Variants in CSMD1 observed in about 807,000 individuals in gnomAD.
CSMD1 encodes CUB and Sushi multiple domains 1, also known as CUB and sushi domain-containing protein 1.
Under a neutral mutation model 417.5 loss-of-function variants are expected in CSMD1, and 213 were observed. The ratio of observed to expected loss-of-function variants is 0.51; its 90% CI spans 0.46 to 0.57. CSMD1 has a LOEUF of 0.57. Among genes scored for constraint, CSMD1 ranks in the 20% least tolerant of loss-of-function variants. The pLI, the probability that CSMD1 is intolerant of heterozygous loss-of-function variation, is 0.00. For missense variants in CSMD1, 6,923 were observed against 4,529.7 expected, an observed-to-expected ratio of 1.53 and a Z score of -15.17; for synonymous variants, 2,862 against 1,736.8, an observed-to-expected ratio of 1.65 and a Z score of -16.11.
intron 34 of CSMD1, 54 bp from the exon 35 acceptor site, chr8:3,189,065 T>A (rs1166025749): frequency 3.9e-6 from 6 of 1,525,954 alleles, no homozygotes; most frequent in Non-Finnish European, 5.3e-6. Context: ...CAGTGTTGAT[T>A]TGGCATGCAG....
intron 5 of CSMD1, among the ~76,000 whole-genome samples, chr8:3,757,824 G>C (rs1342320133): frequency 1.3e-5 from 2 of 151,064 alleles, no homozygotes; most frequent in African/African-American, 4.9e-5. Flanking sequence ...ACTCCAGCCT[G>C]GGTGAAAAGA....
At chr8:4,806,350 G>A (rs1354811516) in intron 1 of CSMD1, among the ~76,000 whole-genome samples, 3 of 152,140 alleles carry the variant, frequency 2.0e-5, no homozygotes, top group Non-Finnish European at 4.4e-5. Flanking sequence ...TCAGTTTTCA[G>A]CGTTGCAGTA....
intron 1 of CSMD1, among the ~76,000 whole-genome samples, chr8:4,684,250 A>G (rs1475867729): frequency 6.6e-6 from 1 of 152,230 alleles, no homozygotes; most frequent in African/African-American, 2.4e-5. Context: ...ACAACTTTCT[A>G]CAATAAGTGT....
intron 6 of CSMD1, among the ~76,000 whole-genome samples, chr8:3,751,693 G>T (rs1797350709): frequency 6.6e-6 from 1 of 151,418 alleles, no homozygotes. Flanking sequence ...GCTATTTTCT[G>T]CCAACCAATG....
At chr8:3,664,284 T>C (rs967065107) in intron 7 of CSMD1, among the ~76,000 whole-genome samples, 10 of 152,152 alleles carry the variant, frequency 6.6e-5, no homozygotes, top group Non-Finnish European at 1.0e-4. Context: ...ACATGCGGTG[T>C]TTGGTTTTCT....
intron 5 of CSMD1, among the ~76,000 whole-genome samples, chr8:3,795,093 A>ATATCTATCATGTATAGCTATAGATAGC (rs1563086960): frequency 1.1e-4 from 8 of 74,500 alleles, no homozygotes; most frequent in Non-Finnish European, 1.9e-4. Flanking sequence ...CTATAGATAT[A>ATATCTATCATGTATAGCTATAGATAGC]TATCTATCAT....
intron 54 of CSMD1, among the ~76,000 whole-genome samples, chr8:2,990,417 G>C (rs906983786): frequency 6.6e-6 from 1 of 152,176 alleles, no homozygotes; most frequent in African/African-American, 2.4e-5. Context: ...ATTTCATTCA[G>C]CTCCGGTTGA....
intron 1 of CSMD1, among the ~76,000 whole-genome samples, chr8:4,797,123 C>T (rs1798022981): frequency 6.6e-6 from 1 of 152,162 alleles, no homozygotes; most frequent in Non-Finnish European, 1.5e-5. Flanking sequence ...GATGTGATTG[C>T]AGAGGCCATG....
intron 10 of CSMD1, among the ~76,000 whole-genome samples, chr8:3,503,462 C>A (rs1379157497): frequency 6.6e-6 from 1 of 152,242 alleles, no homozygotes; most frequent in Non-Finnish European, 1.5e-5. Context: ...CTCTAAAACA[C>A]AGCAGTCTTG....
At chr8:3,911,111 A>G (rs73497912) in intron 5 of CSMD1, among the ~76,000 whole-genome samples, 1,988 of 152,280 alleles carry the variant, frequency 0.013, 41 homozygotes, top group African/African-American at 0.046. Flanking sequence ...GCTGTGGTTT[A>G]CTGGACAGGT....
chr8:4,004,467 G>C (rs924822038), intron 4 of CSMD1, among the ~76,000 whole-genome samples: 9 of 150,320 alleles, frequency 6.0e-5, no homozygotes, highest in Admixed American at 2.0e-4. Context: ...AAAATAAAAT[G>C]GCCTAATTTA....
chr8:4,266,145 C>A (rs113191216), intron 3 of CSMD1, among the ~76,000 whole-genome samples: 2,742 of 104,556 alleles, frequency 0.026, 696 homozygotes, highest in Middle Eastern at 0.056. Context: ...CTTTTTACTT[C>A]AGCTACTCAT....
At chr8:3,739,052 C>G (rs1030827374) in intron 6 of CSMD1, among the ~76,000 whole-genome samples, 1 of 152,072 alleles carries the variant, frequency 6.6e-6, no homozygotes, top group African/African-American at 2.4e-5. Context: ...TAGTTATGTT[C>G]TTACATTTCA....
chr8:3,703,330 C>T (rs1171201661), intron 7 of CSMD1, among the ~76,000 whole-genome samples: 1 of 152,130 alleles, frequency 6.6e-6, no homozygotes, highest in Admixed American at 6.5e-5. Flanking sequence ...AGCTGATGAA[C>T]GTGGGTTCCC....
intron 1 of CSMD1, among the ~76,000 whole-genome samples, chr8:4,782,670 G>A (rs1433760726): frequency 6.6e-6 from 1 of 152,060 alleles, no homozygotes; most frequent in Non-Finnish European, 1.5e-5. Context: ...GCTCTACTGT[G>A]ACTCATACTT....
chr8:3,095,433 T>G (rs1815231771), intron 47 of CSMD1, among the ~76,000 whole-genome samples: 1 of 152,176 alleles, frequency 6.6e-6, no homozygotes, highest in Non-Finnish European at 1.5e-5. Context: ...TAATGTATGT[T>G]TGTTTTAATA....
intron 6 of CSMD1, among the ~76,000 whole-genome samples, chr8:3,734,200 G>T (rs1428776153): frequency 6.6e-6 from 1 of 152,166 alleles, no homozygotes; most frequent in Non-Finnish European, 1.5e-5. Flanking sequence ...CATGGAATTG[G>T]AAGCCTGCAT....
At chr8:4,000,650 T>C (rs1212489969) in intron 4 of CSMD1, among the ~76,000 whole-genome samples, 3 of 152,198 alleles carry the variant, frequency 2.0e-5, no homozygotes, top group Admixed American at 6.5e-5. Flanking sequence ...GAGACAGATA[T>C]TTACTTTTAT....
At chr8:4,088,393 G>T (rs1800534323) in intron 3 of CSMD1, among the ~76,000 whole-genome samples, 1 of 152,172 alleles carries the variant, frequency 6.6e-6, no homozygotes, top group Non-Finnish European at 1.5e-5. Flanking sequence ...AGCTTTGTCG[G>T]TAACACCTTT....
Sources: gnomAD v4.1 joint callset for allele counts (sites outside exome capture counted in the v4.1 genomes callset) on GRCh38, gnomAD v4.1.1 for gene constraint, MANE v1.5 for transcripts, NCBI Gene and HGNC (gene_info 2026-07-23, HGNC 2026-07-21) for gene names.